The following GAS2L3 variants were observed in gnomAD, a reference collection of about 807,000 sequenced individuals.
The protein encoded by GAS2L3 is growth arrest specific 2 like 3, also known as GAS2-like protein 3.
Under a neutral mutation model 37.0 loss-of-function variants are expected in GAS2L3, and 28 were observed. The ratio of observed to expected loss-of-function variants is 0.76; its 90% CI spans 0.56 to 1.04. GAS2L3 has a LOEUF of 1.04. Among genes scored for constraint, GAS2L3 ranks in the 50% least tolerant of loss-of-function variants. The pLI is 0.00. For missense variants in GAS2L3, 793 were observed against 817.6 expected (o/e 0.97, Z 0.37); for synonymous variants, 290 against 296.6 (o/e 0.98, Z 0.23).
At chr12:100,595,979 A>G (rs752789001) in intron 3 of GAS2L3, among the ~76,000 whole-genome samples, 7 of 151,706 alleles carry the variant, frequency 4.6e-5, no homozygotes, top group Non-Finnish European at 8.8e-5. Context: ...TCCCTTATCA[A>G]TTTAACAGTG....
chr12:100,622,790 A>C (rs1956275584), intron 9 of GAS2L3, among the ~76,000 whole-genome samples: 1 of 147,704 alleles, frequency 6.8e-6, no homozygotes, highest in Non-Finnish European at 1.5e-5. Flanking sequence ...AAAGAAAAGA[A>C]AGAAGTGTAG....
At chr12:100,619,627 T>C (rs1473904853) in intron 8 of GAS2L3, among the ~76,000 whole-genome samples, 2 of 151,598 alleles carry the variant, frequency 1.3e-5, no homozygotes. Context: ...ATGCTATTCA[T>C]GTGTGTGTGT....
rs996041446 is a variant in GAS2L3, at chr12:100,619,142, A to G, written c.648+555A>G. Reference sequence around the variant, plus strand: ...TCCAAGGTTTCTCTAAGTAGATGGTATATTGATCCTTGCAGAATACAGGAG... The same window carrying G: ...TCCAAGGTTTCTCTAAGTAGATGGTGTATTGATCCTTGCAGAATACAGGAG... On this transcript the variant is annotated intron_variant, in intron 8 of 9. Coordinates refer to ENST00000547754, the MANE Select transcript of GAS2L3 (RefSeq NM_174942.3). Among the ~76,000 whole-genome samples, 3 of 152,038 alleles carry G rather than the reference A, an allele frequency of 2.0e-5. No homozygotes were observed. In the East Asian group the frequency reaches 5.8e-4, roughly 29 times the overall value.
intron 3 of GAS2L3, among the ~76,000 whole-genome samples, chr12:100,596,795 G>T (rs1251957948): frequency 6.6e-6 from 1 of 151,998 alleles, no homozygotes; most frequent in African/African-American, 2.4e-5. Context: ...CCTGACAAAG[G>T]CTATGAAGTC....
At chr12:100,578,942 G>A (rs1375092473) in intron 1 of GAS2L3, 4 of 921,094 alleles carry the variant, frequency 4.3e-6, no homozygotes, top group Non-Finnish European at 7.1e-6. Context: ...AGGGGATAAG[G>A]TTATAATTGT....
chr12:100,621,266 T>G (rs945118943), intron 8 of GAS2L3, among the ~76,000 whole-genome samples: 1 of 152,110 alleles, frequency 6.6e-6, no homozygotes, highest in African/African-American at 2.4e-5. Context: ...TTTTCAAAAA[T>G]GTAATTTTAG....
intron 6 of GAS2L3, among the ~76,000 whole-genome samples, chr12:100,617,522 T>C (rs1263923201): frequency 6.6e-6 from 1 of 152,118 alleles, no homozygotes. Context: ...CAAATAAAGG[T>C]CCATGGTAAT....
At position 100,624,161 on chromosome 12, in the gene GAS2L3, A is replaced by C; in HGVS notation, c.1356A>C (p.Ser452=). ...PKAKVIPAQN[S]ADLPESTLLP... is the part of the protein sequence containing the mutation. ...CCAAGGTTATTCCAGCCCAGAATTC[A>C]GCAGATCTGCCCGAGTCCACACTTT... The change falls in exon 10 of 10, where the codon TCA becomes TCC. Residue 452 remains serine, a synonymous_variant. Coordinates refer to ENST00000547754, the MANE Select transcript of GAS2L3 (RefSeq NM_174942.3). The C allele has an allele frequency of 6.2e-7, 1 of 1,613,930 alleles. No homozygotes were observed. Among genetic ancestry groups the C allele is most frequent in the Admixed American group, 1.7e-5 (1 of 59,972 alleles).
intron 1 of GAS2L3, among the ~76,000 whole-genome samples, chr12:100,575,719 C>T (rs1287268769): frequency 6.6e-6 from 1 of 151,966 alleles, no homozygotes; most frequent in African/African-American, 2.4e-5. Context: ...ACGTCGTGTT[C>T]CGCCCGACTC....
intron 5 of GAS2L3, among the ~76,000 whole-genome samples, chr12:100,611,537 G>C (rs1956126864): frequency 2.0e-5 from 3 of 152,170 alleles, no homozygotes; most frequent in Non-Finnish European, 4.4e-5. Context: ...CCAGGTACCA[G>C]TTTCATGGAA....
At chr12:100,604,475 T>TTTG in intron 5 of GAS2L3, among the ~76,000 whole-genome samples, 1 of 31,626 alleles carries the variant, frequency 3.2e-5, no homozygotes, top group South Asian at 2.5e-3. Flanking sequence ...GCTGTAGTTG[T>TTTG]TTTTTTTTTT....
chr12:100,593,693 C>T (rs773980578), intron 2 of GAS2L3: 2 of 152,012 alleles, frequency 1.3e-5, no homozygotes, highest in Non-Finnish European at 2.9e-5. Context: ...TTCTTACTTC[C>T]GAGAAGTGGA....
intron 3 of GAS2L3, 66 bp downstream of exon 3, chr12:100,594,988 G>A (rs61154404): frequency 2.8e-6 from 2 of 721,486 alleles, no homozygotes; most frequent in South Asian, 2.5e-5. Context: ...GTAATAATTA[G>A]CAAAGATAAA....
chr12:100,610,826 A>G (rs1391262726), intron 5 of GAS2L3, among the ~76,000 whole-genome samples: 1 of 151,968 alleles, frequency 6.6e-6, no homozygotes, highest in African/African-American at 2.4e-5. Context: ...AGCAGATAGT[A>G]AAAAAAATTA....
chr12:100,592,747 ACAGGTT>A (rs1955861706), intron 2 of GAS2L3, among the ~76,000 whole-genome samples: 1 of 152,082 alleles, frequency 6.6e-6, no homozygotes, highest in East Asian at 1.9e-4. Flanking sequence ...AAGATTCCCA[ACAGGTT>A]TAGAGTGGAG....
rs995907479 is a variant in GAS2L3 at position 100,626,158 on chromosome 12, A to C, written c.*1268A>C. 2.6e-5 allele frequency: 4 copies of C among 152,296 alleles called. 1 individual carries two copies. In the Middle Eastern group the frequency reaches 0.01, roughly 389 times the overall value. 9.4% of individuals were successfully genotyped at this position (152,296 alleles called of 1,614,324 possible). A position where few individuals can be genotyped will look rare whatever the true frequency, so the allele number is the denominator to read the frequency against. ...GCTTTTAAAACTTCACAGTATTGCCAATTATCTTAGGTTATTCAGTATTCA... is the reference window on the plus strand; with the variant it reads ...GCTTTTAAAACTTCACAGTATTGCCCATTATCTTAGGTTATTCAGTATTCA... On this transcript the variant is annotated 3_prime_UTR_variant, in exon 10 of 10. Transcript: ENST00000547754.
At chr12:100,609,451 T>G (rs1293680562) in intron 5 of GAS2L3, among the ~76,000 whole-genome samples, 1 of 152,118 alleles carries the variant, frequency 6.6e-6, no homozygotes, top group Non-Finnish European at 1.5e-5. Context: ...CTGCGCTCCC[T>G]GTCTCCCAAG....
At chr12:100,622,491 A>G (rs1956268040) in intron 9 of GAS2L3, 109 bp downstream of exon 9, 1 of 567,614 alleles carries the variant, frequency 1.8e-6, no homozygotes, top group African/African-American at 1.9e-5. Flanking sequence ...ATTGGAAAAG[A>G]TGCTATTAAT....
At chr12:100,620,313 G>A (rs577403368) in intron 8 of GAS2L3, among the ~76,000 whole-genome samples, 2 of 152,124 alleles carry the variant, frequency 1.3e-5, no homozygotes, top group Non-Finnish European at 2.9e-5. Flanking sequence ...TGTACATATA[G>A]ACAAACTGTA....
Sources: allele counts gnomAD v4.1 joint callset (sites outside exome capture counted in the v4.1 genomes callset), GRCh38; gene constraint gnomAD v4.1.1; transcripts MANE v1.5; gene names NCBI Gene and HGNC (gene_info 2026-07-23, HGNC 2026-07-21).